The following GK5 variants were observed in gnomAD, a reference collection of about 807,000 sequenced individuals.
The protein encoded by GK5 is glycerol kinase 5, also known as ATP:glycerol 3-phosphotransferase 5.
Under a neutral mutation model 77.3 loss-of-function variants are expected in GK5, and 39 were observed. That is an observed-to-expected ratio of 0.50 (90% CI 0.39 to 0.66). The LOEUF (loss-of-function observed/expected upper bound fraction) is 0.66, where lower values mean the gene tolerates loss of function less well. GK5 is among the 30% of genes least tolerant of loss of function. The probability of loss-of-function intolerance (pLI) is 0.00; values close to 1 mark genes in which losing one functional copy is unlikely to be tolerated. For missense variants in GK5, 487 were observed against 633.8 expected, an observed-to-expected ratio of 0.77 and a Z score of 2.49; for synonymous variants, 211 against 208.0, an observed-to-expected ratio of 1.01 and a Z score of -0.13.
intron 1 of GK5, among the ~76,000 whole-genome samples, chr3:142,215,945 CAAG>C (rs2107798362): frequency 6.6e-6 from 1 of 152,014 alleles, no homozygotes; most frequent in East Asian, 1.9e-4. Flanking sequence ...AAGTTTTCTA[CAAG>C]AAGGTGTGTT....
chr3:142,180,901 A>T (rs1433295870), intron 11 of GK5, among the ~76,000 whole-genome samples: 1 of 152,122 alleles, frequency 6.6e-6, no homozygotes, highest in African/African-American at 2.4e-5. Context: ...ATATGACCCT[A>T]AACAACAAGC....
Position 142,172,377 on chromosome 3 carries a change from G to T in GK5, c.1223C>A (p.Ala408Glu). The change falls in exon 13 of 16, where the codon GCA becomes GAA. Residue 408 changes from alanine (A) to glutamate (E), a missense_variant. Coordinates refer to ENST00000392993, the MANE Select transcript of GK5 (RefSeq NM_001039547.3). Reference protein sequence around the residue: ...PSTSKYHLVRAILESIAFRNK... With the variant: ...PSTSKYHLVREILESIAFRNK... ...CCTGAAAGCTATTGACTCCAATATT[G>T]CTCGTACAAGATGGTATTTACTGGT... is the stretch of plus-strand genomic sequence containing the variant. 6.3e-7 allele frequency: 1 copy of T among 1,596,522 alleles called. No homozygotes were observed. Among genetic ancestry groups the T allele is most frequent in the Non-Finnish European group, 8.6e-7 (1 of 1,167,898 alleles).
At chr3:142,185,133 C>A in intron 9 of GK5, 1 of 985,312 alleles carries the variant, frequency 1.0e-6, no homozygotes, top group Non-Finnish European at 1.2e-6. Flanking sequence ...CAAAAACAGG[C>A]TTGGCACAGT....
intron 5 of GK5, among the ~76,000 whole-genome samples, chr3:142,196,978 G>A (rs1033687156): frequency 2.0e-5 from 3 of 152,134 alleles, no homozygotes; most frequent in African/African-American, 7.2e-5. Flanking sequence ...ACGAGGTCAG[G>A]AGATCAAGAC....
In GK5 at chr3:142,170,407, G is replaced by A. The variant is rs2063522178; in HGVS notation, c.1359C>T (p.Asp453=). 1 of 1,613,802 alleles carries A rather than the reference G, an allele frequency of 6.2e-7. No individual in the cohort carries two copies. The highest frequency in any genetic ancestry group is 8.5e-7 in the Non-Finnish European group (1 of 1,179,766). The change falls in exon 15 of 16, where the codon GAC becomes GAT. Residue 453 remains aspartate, a synonymous_variant. Coordinates refer to ENST00000392993, the MANE Select transcript of GK5 (RefSeq NM_001039547.3). ...KNGFVMQMTS[D]LINENIDRPA... ...GTCTGTCTATATTCTCATTAATCAG[G>A]TCTGAAGTCATCTGCATGACAAAAC...
At chr3:142,177,801 G>GAGGTAGA (rs1432338969) in intron 11 of GK5, among the ~76,000 whole-genome samples, 1 of 151,984 alleles carries the variant, frequency 6.6e-6, no homozygotes, top group African/African-American at 2.4e-5. Flanking sequence ...AGGGAGACAG[G>GAGGTAGA]AGGTAGAAGG....
chr3:142,185,458 A>G, intron 9 of GK5: 1 of 979,126 alleles, frequency 1.0e-6, no homozygotes, highest in Non-Finnish European at 1.2e-6. Context: ...TCATTATTCT[A>G]CAAACTTATT....
Position 142,215,584 on chromosome 3 carries a change from TA to T in GK5, c.241+14del, listed in dbSNP as rs1490291249. On this transcript the variant is annotated intron_variant, in intron 2 of 15. Transcript: ENST00000392993. ...AAACCATAAAGATTATTGTTATTTT[TA>T]TAAATCCAATTACCTTTGACTGCTT... The T allele has an allele frequency of 7.4e-7, 1 of 1,360,256 alleles. No individual in the cohort carries two copies. The highest frequency in any genetic ancestry group is 2.3e-5 in the East Asian group (1 of 43,162). 84.3% of individuals were successfully genotyped at this position (1,360,256 alleles called of 1,614,324 possible).
At chr3:142,199,857 A>C (rs9841672) in intron 4 of GK5, among the ~76,000 whole-genome samples, 1 of 151,724 alleles carries the variant, frequency 6.6e-6, no homozygotes, top group East Asian at 1.9e-4. Flanking sequence ...AAAACACTTA[A>C]GAAGTATTGC....
At chr3:142,184,094 TAAA>T (rs891249439) in intron 9 of GK5, among the ~76,000 whole-genome samples, 1 of 149,616 alleles carries the variant, frequency 6.7e-6, no homozygotes, top group African/African-American at 2.5e-5. Flanking sequence ...CCATCTCTAC[TAAA>T]AAAAATACAA....
At chr3:142,183,083 C>T in intron 9 of GK5, 34 bp from the exon 10 acceptor site, 1 of 1,599,972 alleles carries the variant, frequency 6.3e-7, no homozygotes, top group Non-Finnish European at 8.5e-7. Context: ...ACCCATTGCC[C>T]TTAACAGTGG....
chr3:142,166,710 C>T (rs570985105), intron 15 of GK5, among the ~76,000 whole-genome samples: 1 of 152,180 alleles, frequency 6.6e-6, no homozygotes, highest in East Asian at 1.9e-4. Context: ...ATTTTTTGTA[C>T]TTTTAGTAGA....
intron 15 of GK5, among the ~76,000 whole-genome samples, chr3:142,166,896 T>C (rs2063478390): frequency 6.6e-6 from 1 of 152,182 alleles, no homozygotes; most frequent in South Asian, 2.1e-4. Context: ...ATTAGTAAGC[T>C]TGGCACATTT....
chr3:142,225,391 A>G lies in GK5; in HGVS notation c.65T>C (p.Leu22Pro). 3 of 1,597,842 alleles carry G rather than the reference A, an allele frequency of 1.9e-6. No homozygotes were observed. The highest frequency in any genetic ancestry group is 2.6e-6 in the Non-Finnish European group (3 of 1,174,070). ...CACAGAACTGCCCACATCCAGCCCC[A>G]GCACGAAGCCGGGGTACCGCGGCTC... is the stretch of plus-strand genomic sequence containing the variant. The part of the protein sequence containing the change: ...AQEPRYPGFV[L>P]GLDVGSSVIR... The change falls in exon 1 of 16, where the codon CTG becomes CCG. Residue 22 changes from leucine to proline, a missense_variant. Around this residue, in one of 4 missense-constraint regions of GK5, gnomAD observed 97 missense variants for 86.9 expected, o/e 1.12. Coordinates refer to ENST00000392993, the MANE Select transcript of GK5 (RefSeq NM_001039547.3).
At chr3:142,188,302 C>A (rs980291466) in intron 5 of GK5, among the ~76,000 whole-genome samples, 6 of 152,096 alleles carry the variant, frequency 3.9e-5, no homozygotes, top group Non-Finnish European at 8.8e-5. Flanking sequence ...GAGGCCGAGG[C>A]GGGCGGATCA....
chr3:142,203,181 C>G (rs2064052994), intron 4 of GK5, among the ~76,000 whole-genome samples: 1 of 152,044 alleles, frequency 6.6e-6, no homozygotes, highest in South Asian at 2.1e-4. Context: ...CACTTTTACT[C>G]CCTCAATTAC....
Position 142,164,099 on chromosome 3 carries a change from C to T in GK5, c.*1523G>A, listed in dbSNP as rs556828751. 6.6e-6 allele frequency: 1 copy of T among 152,092 alleles called. No homozygotes were observed. Among genetic ancestry groups the T allele is most frequent in the South Asian group, 2.1e-4 (1 of 4,816 alleles). 9.4% of individuals were successfully genotyped at this position (152,092 alleles called of 1,614,324 possible). ...ATAATACTATATATTTGTTACAATG[C>T]CTTCATCAGAAAATTTAATAATTAA... On this transcript the variant is annotated 3_prime_UTR_variant, in exon 16 of 16. Transcript: ENST00000392993.
intron 6 of GK5, among the ~76,000 whole-genome samples, chr3:142,187,338 T>A (rs2063786784): frequency 6.6e-6 from 1 of 151,420 alleles, no homozygotes; most frequent in Admixed American, 6.6e-5. Flanking sequence ...GTGCAGTGGC[T>A]TACGCCTGTA....
At chr3:142,201,275 C>G (rs186386649) in intron 4 of GK5, among the ~76,000 whole-genome samples, 2 of 152,276 alleles carry the variant, frequency 1.3e-5, no homozygotes, top group East Asian at 3.9e-4. Flanking sequence ...TACAGCTGTA[C>G]TATTGAATAC....
Sources: gnomAD v4.1 joint callset for allele counts (sites outside exome capture counted in the v4.1 genomes callset) on GRCh38, gnomAD v4.1.1 for gene constraint, gnomAD v4.1.1 regional missense constraint, MANE v1.5 for transcripts, NCBI Gene and HGNC (gene_info 2026-07-23, HGNC 2026-07-21) for gene names.